The following FAM135B variants were observed in gnomAD, a reference collection of about 807,000 sequenced individuals.
FAM135B encodes the protein family with sequence similarity 135 member B.
In FAM135B, 43 loss-of-function variants were observed where a neutral mutation model predicts 127.7. The ratio of observed to expected loss-of-function variants is 0.34; its 90% CI spans 0.26 to 0.43. The LOEUF is 0.43. Ranked by LOEUF, FAM135B falls within the 20% of genes least tolerant of loss-of-function variation. FAM135B has a pLI of 1.00. For missense variants in FAM135B, 1,558 were observed against 1,725.6 expected (o/e 0.90, Z 1.72); for synonymous variants, 670 against 665.1 (o/e 1.01, Z -0.11).
At chr8:138,301,881 G>A (rs1021634316) in intron 3 of FAM135B, among the ~76,000 whole-genome samples, 5 of 152,156 alleles carry the variant, frequency 3.3e-5, no homozygotes, top group Admixed American at 6.6e-5. Flanking sequence ...GAACAGTTCC[G>A]TGCTGTGGAA....
At chr8:138,349,450 T>C (rs1829637049) in intron 2 of FAM135B, among the ~76,000 whole-genome samples, 1 of 152,202 alleles carries the variant, frequency 6.6e-6, no homozygotes, top group South Asian at 2.1e-4. Flanking sequence ...TATCTGCTTC[T>C]CCAGGATAAT....
At chr8:138,252,887 C>A (rs1821801504) in intron 5 of FAM135B, among the ~76,000 whole-genome samples, 1 of 152,154 alleles carries the variant, frequency 6.6e-6, no homozygotes, top group Non-Finnish European at 1.5e-5. Flanking sequence ...GCAACCTCTG[C>A]CTCCTGGGTT....
intron 1 of FAM135B, among the ~76,000 whole-genome samples, chr8:138,486,720 T>C (rs988759431): frequency 6.6e-6 from 1 of 152,186 alleles, no homozygotes; most frequent in Non-Finnish European, 1.5e-5. Context: ...CTAATACTGC[T>C]TCCCTCTCTC....
At chr8:138,308,630 GT>G (rs5895513) in intron 3 of FAM135B, among the ~76,000 whole-genome samples, 23 of 150,278 alleles carry the variant, frequency 1.5e-4, no homozygotes, top group African/African-American at 5.1e-4. Flanking sequence ...AAAGAAAATA[GT>G]TTTTTTTTTA....
intron 12 of FAM135B, among the ~76,000 whole-genome samples, chr8:138,167,448 G>C (rs561661312): frequency 6.6e-6 from 1 of 152,078 alleles, no homozygotes; most frequent in Non-Finnish European, 1.5e-5. Context: ...TGCCCACCTC[G>C]GCCTCCCAAA....
intron 7 of FAM135B, among the ~76,000 whole-genome samples, chr8:138,202,164 GAAGT>G (rs1268144739): frequency 1.4e-5 from 2 of 143,416 alleles, no homozygotes; most frequent in Non-Finnish European, 3.1e-5. Context: ...TTCTGAGACT[GAAGT>G]AAGTCCACTG....
At chr8:138,146,810 A>C (rs964184960) in intron 14 of FAM135B, among the ~76,000 whole-genome samples, 1 of 152,142 alleles carries the variant, frequency 6.6e-6, no homozygotes, top group African/African-American at 2.4e-5. Context: ...TTTTTGTCCT[A>C]TTTCTTAAAA....
intron 2 of FAM135B, among the ~76,000 whole-genome samples, chr8:138,325,126 TAA>T (rs11323247): frequency 1.3e-5 from 2 of 152,008 alleles, no homozygotes; most frequent in Non-Finnish European, 2.9e-5. Flanking sequence ...CCCCTTAGAT[TAA>T]AAAAAAATCA....
chr8:138,452,613 A>AGAGCGAGACTCC (rs1836560527), intron 1 of FAM135B, among the ~76,000 whole-genome samples: 5 of 152,168 alleles, frequency 3.3e-5, no homozygotes, highest in African/African-American at 1.2e-4. Flanking sequence ...AAATTATGTA[A>AGAGCGAGACTCC]ATACTCAGCA....
At chr8:138,446,576 T>A (rs1836173731) in intron 1 of FAM135B, among the ~76,000 whole-genome samples, 1 of 152,162 alleles carries the variant, frequency 6.6e-6, no homozygotes, top group Admixed American at 6.5e-5. Flanking sequence ...ATTTAATAAA[T>A]CGTTCAGGGA....
chr8:138,181,553 A>G (rs4433193), intron 9 of FAM135B, among the ~76,000 whole-genome samples: 11,741 of 152,014 alleles, frequency 0.077, 815 homozygotes, highest in African/African-American at 0.18. Flanking sequence ...CTCCAATCCC[A>G]GGCCCTTGTT....
intron 12 of FAM135B, among the ~76,000 whole-genome samples, chr8:138,154,386 C>T (rs1586623095): frequency 1.3e-5 from 2 of 152,172 alleles, no homozygotes; most frequent in African/African-American, 4.8e-5. Context: ...GCCTCTTCTC[C>T]TCCAAAGGAA....
intron 1 of FAM135B, among the ~76,000 whole-genome samples, chr8:138,471,234 A>T (rs1837660010): frequency 6.6e-6 from 1 of 152,000 alleles, no homozygotes; most frequent in South Asian, 2.1e-4. Context: ...TATGCTTCTT[A>T]GTCTTTATGA....
chr8:138,486,093 C>T (rs1327641223), intron 1 of FAM135B, among the ~76,000 whole-genome samples: 2 of 151,836 alleles, frequency 1.3e-5, no homozygotes, highest in East Asian at 2.0e-4. Flanking sequence ...GCTAATGCAA[C>T]CCCACCAGGC....
At chr8:138,317,067 T>G (rs1008507205) in intron 2 of FAM135B, among the ~76,000 whole-genome samples, 5 of 151,516 alleles carry the variant, frequency 3.3e-5, no homozygotes, top group African/African-American at 9.7e-5. Context: ...AAAAACTTAC[T>G]TATGCAAGAA....
At chr8:138,385,931 A>G (rs933004115) in intron 1 of FAM135B, among the ~76,000 whole-genome samples, 1 of 150,828 alleles carries the variant, frequency 6.6e-6, no homozygotes, top group Non-Finnish European at 1.5e-5. Context: ...TATCTTCAAA[A>G]CCTAACCCAG....
chr8:138,209,091 C>T (rs10099209), intron 7 of FAM135B, among the ~76,000 whole-genome samples: 2,777 of 152,094 alleles, frequency 0.018, 88 homozygotes, highest in African/African-American at 0.059. Context: ...GGGGTCAGTC[C>T]CATTTATCAT....
intron 2 of FAM135B, among the ~76,000 whole-genome samples, chr8:138,315,057 A>C (rs552179777): frequency 6.6e-6 from 1 of 152,216 alleles, no homozygotes; most frequent in South Asian, 2.1e-4. Flanking sequence ...ATTTGCAAAC[A>C]ATATGTCTGA....
intron 1 of FAM135B, among the ~76,000 whole-genome samples, chr8:138,412,530 A>G (rs1054377109): frequency 6.6e-6 from 1 of 152,136 alleles, no homozygotes; most frequent in Non-Finnish European, 1.5e-5. Flanking sequence ...CTTTGAGGTG[A>G]CCAGTCTTGC....
Sources: gnomAD v4.1 joint callset for allele counts (sites outside exome capture counted in the v4.1 genomes callset) on GRCh38, gnomAD v4.1.1 for gene constraint, MANE v1.5 for transcripts, NCBI Gene and HGNC (gene_info 2026-07-23, HGNC 2026-07-21) for gene names.